The following EVL variants were observed in gnomAD, a reference collection of about 807,000 sequenced individuals.
EVL encodes the protein ena/VASP-like protein.
In EVL, 21 loss-of-function variants were observed where a neutral mutation model predicts 59.6. The ratio of observed to expected loss-of-function variants is 0.35; its 90% confidence interval spans 0.25 to 0.51. The LOEUF (loss-of-function observed/expected upper bound fraction) is 0.51, where lower values mean the gene tolerates loss of function less well. EVL is among the 20% of genes least tolerant of loss of function. The probability of loss-of-function intolerance (pLI) is 0.97; values close to 1 mark genes in which losing one functional copy is unlikely to be tolerated. For missense variants in EVL, 462 were observed against 546.6 expected, an observed-to-expected ratio of 0.85 and a Z score of 1.54; for synonymous variants, 198 against 203.5, an observed-to-expected ratio of 0.97 and a Z score of 0.23.
chr14:100,032,125 G>A (rs562012385), intron 1 of EVL, among the ~76,000 whole-genome samples: 1 of 152,168 alleles, frequency 6.6e-6, no homozygotes, highest in African/African-American at 2.4e-5. Flanking sequence ...TTATGAGCAG[G>A]GCAATGAAAC....
chr14:100,040,498 A>G (rs929812517), intron 1 of EVL, among the ~76,000 whole-genome samples: 4 of 152,148 alleles, frequency 2.6e-5, no homozygotes, highest in African/African-American at 9.7e-5. Flanking sequence ...TGCCCCTCAG[A>G]AAGCAGCCAT....
Position 100,137,791 on chromosome 14 carries a change from G to C in EVL, c.1083G>C (p.Gln361His). The C allele has an allele frequency of 6.2e-7, 1 of 1,614,122 alleles. No individual in the cohort carries two copies. Among genetic ancestry groups the C allele is most frequent in the Non-Finnish European group, 8.5e-7 (1 of 1,180,040 alleles). Residue 361 changes from glutamine to histidine, a missense_variant, in exon 11 of 14, where the codon CAG becomes CAC. Transcript: ENST00000392920. ...SPEAKSPLQS[Q>H]PHSRMKPAGS... is the part of the protein sequence containing the mutation. ...AAGCTAAGAGCCCCCTTCAGTCGCA[G>C]CCTCACTCTAGGTACCGAACAACCC...
intron 2 of EVL, among the ~76,000 whole-genome samples, chr14:100,092,731 A>C (rs1413223826): frequency 1.3e-5 from 2 of 152,176 alleles, no homozygotes; most frequent in Admixed American, 1.3e-4. Context: ...GCGAAACTCC[A>C]TCTCAAAAAA....
chr14:100,129,790 C>G, intron 7 of EVL, 106 bp downstream of exon 7: 3 of 1,408,532 alleles, frequency 2.1e-6, no homozygotes, highest in South Asian at 1.5e-5. Flanking sequence ...ATCTTTGTTC[C>G]CTGGGTTTAG....
chr14:100,084,598 G>A (rs1312092660), intron 1 of EVL, 89 bp from the exon 2 acceptor site: 2 of 1,387,980 alleles, frequency 1.4e-6, no homozygotes, highest in Non-Finnish European at 2.0e-6. Flanking sequence ...TTTATGTCAA[G>A]TAGCAATTGG....
At chr14:100,022,527 A>G (rs533034199) in intron 1 of EVL, among the ~76,000 whole-genome samples, 2 of 152,176 alleles carry the variant, frequency 1.3e-5, no homozygotes, top group East Asian at 3.9e-4. Context: ...TGATCTACCC[A>G]CCTTGGCCCC....
At chr14:100,006,283 CTTT>C (rs1195149750) in intron 1 of EVL, among the ~76,000 whole-genome samples, 349 of 132,166 alleles carry the variant, frequency 2.6e-3, no homozygotes, top group Non-Finnish European at 4.0e-3. Flanking sequence ...GGTTGTTAAT[CTTT>C]TTTTTTTTTT....
At chr14:100,091,602 T>TGCG (rs2062566094) in intron 2 of EVL, among the ~76,000 whole-genome samples, 1 of 152,202 alleles carries the variant, frequency 6.6e-6, no homozygotes, top group Non-Finnish European at 1.5e-5. Context: ...CTTTGCCCTG[T>TGCG]GCGTCTCTTA....
At chr14:100,118,822 C>T (rs1887515204) in intron 3 of EVL, among the ~76,000 whole-genome samples, 1 of 152,200 alleles carries the variant, frequency 6.6e-6, no homozygotes, top group Non-Finnish European at 1.5e-5. Context: ...TAAAAGGGCT[C>T]CTCTGACTCA....
At chr14:100,080,947 ATAAATAATTTAAGAAAATATT>A (rs2062287688) in intron 1 of EVL, among the ~76,000 whole-genome samples, 1 of 152,228 alleles carries the variant, frequency 6.6e-6, no homozygotes, top group African/African-American at 2.4e-5. Context: ...CATTTATTCA[ATAAATAATTTAAGAAAATATT>A]TGCCTATCAA....
intron 1 of EVL, chr14:99,974,426 C>T (rs1279483595): frequency 6.6e-6 from 1 of 152,640 alleles, no homozygotes; most frequent in East Asian, 1.9e-4. Context: ...AATATGGTCT[C>T]CTTCCAGAGC....
At chr14:99,988,721 T>A (rs571358873) in intron 1 of EVL, among the ~76,000 whole-genome samples, 97 of 152,342 alleles carry the variant, frequency 6.4e-4, no homozygotes, top group Admixed American at 4.7e-3. Context: ...AAATGTGGTA[T>A]ATCCATACAG....
Position 100,135,892 on chromosome 14 carries a change from T to C in EVL, c.901-13T>C, listed in dbSNP as rs1473450486. On this transcript the variant is annotated splice_polypyrimidine_tract_variant and intron_variant, in intron 8 of 13. Coordinates refer to ENST00000392920, the MANE Select transcript of EVL (RefSeq NM_016337.3). ...TGGCCTTCCTAAACAGACTCCCTTC[T>C]TCTCCATTTTAGGAAGATCCTAGTA... 1.2e-6 allele frequency: 2 copies of C among 1,613,912 alleles called. No homozygotes were observed. The highest frequency in any genetic ancestry group is 2.2e-5 in the South Asian group (2 of 91,088).
intron 4 of EVL, among the ~76,000 whole-genome samples, chr14:100,125,282 ACACACACACACG>A (rs1291547063): frequency 2.1e-4 from 31 of 149,322 alleles, no homozygotes; most frequent in Non-Finnish European, 4.4e-4. Flanking sequence ...ACACACACAC[ACACACACACACG>A]GCAGGGAGAC....
At chr14:100,117,463 A>G (rs1359529054) in intron 3 of EVL, among the ~76,000 whole-genome samples, 2 of 151,838 alleles carry the variant, frequency 1.3e-5, no homozygotes, top group African/African-American at 4.8e-5. Context: ...TTCTTCCTCC[A>G]TGTGTCCTAT....
intron 1 of EVL, among the ~76,000 whole-genome samples, chr14:100,025,404 G>GA (rs1166076028): frequency 6.6e-6 from 1 of 152,162 alleles, no homozygotes; most frequent in Non-Finnish European, 1.5e-5. Context: ...TCTGCCCCCA[G>GA]GTGGCCACGT....
chr14:99,994,782 A>G (rs752040694), intron 1 of EVL, among the ~76,000 whole-genome samples: 6 of 152,180 alleles, frequency 3.9e-5, no homozygotes, highest in Non-Finnish European at 7.4e-5. Flanking sequence ...GCTATTTAAC[A>G]TCTTTTCATT....
intron 1 of EVL, among the ~76,000 whole-genome samples, chr14:100,036,438 A>C (rs1380378663): frequency 6.6e-6 from 1 of 152,210 alleles, no homozygotes; most frequent in African/African-American, 2.4e-5. Context: ...GGGGAAGACT[A>C]ATAAGCCAAG....
intron 9 of EVL, among the ~76,000 whole-genome samples, 179 bp downstream of exon 9, chr14:100,136,147 G>A (rs1168759430): frequency 6.6e-6 from 1 of 152,216 alleles, no homozygotes; most frequent in Admixed American, 6.5e-5. Context: ...CCATGTGGGA[G>A]CACAGGAAGT....
Sources: allele counts gnomAD v4.1 joint callset (sites outside exome capture counted in the v4.1 genomes callset), GRCh38; gene constraint gnomAD v4.1.1; transcripts MANE v1.5; gene names NCBI Gene and HGNC (gene_info 2026-07-23, HGNC 2026-07-21).